The following GPC5 variants were observed in gnomAD, a reference collection of about 807,000 sequenced individuals.
The protein encoded by GPC5 is glypican-5.
A neutral mutation model predicts 53.9 loss-of-function variants in GPC5; 47 were observed. That is an observed-to-expected ratio of 0.87 (90% CI 0.69 to 1.11). GPC5 has a LOEUF of 1.11. GPC5 is among the 50% of genes most tolerant of loss of function. The pLI is 0.00. For synonymous variants in GPC5, 286 were observed against 263.3 expected (o/e 1.09, Z -0.84); for missense variants, 748 against 713.1 (o/e 1.05, Z -0.56).
At chr13:91,410,638 G>GCT (rs1877689144) in intron 1 of GPC5, among the ~76,000 whole-genome samples, 6 of 152,036 alleles carry the variant, frequency 3.9e-5, no homozygotes, top group Non-Finnish European at 8.8e-5. Flanking sequence ...GAGCCACTAC[G>GCT]CCCGGCCTTC....
chr13:91,796,216 G>A (rs560735053), intron 5 of GPC5, among the ~76,000 whole-genome samples: 1 of 152,300 alleles, frequency 6.6e-6, no homozygotes, highest in South Asian at 2.1e-4. Flanking sequence ...GGCTCCATTA[G>A]GATGAATCCA....
At chr13:91,559,900 C>T (rs962044983) in intron 2 of GPC5, among the ~76,000 whole-genome samples, 1 of 152,008 alleles carries the variant, frequency 6.6e-6, no homozygotes, top group Non-Finnish European at 1.5e-5. Context: ...AGTTTACATA[C>T]AAAAATAATG....
At chr13:91,757,224 AAT>A (rs2037314685) in intron 5 of GPC5, among the ~76,000 whole-genome samples, 1 of 152,092 alleles carries the variant, frequency 6.6e-6, no homozygotes, top group Non-Finnish European at 1.5e-5. Flanking sequence ...AATGTAGGAT[AAT>A]GAGGTTTTGT....
intron 7 of GPC5, among the ~76,000 whole-genome samples, chr13:92,585,691 C>G (rs896622966): frequency 1.4e-4 from 22 of 152,058 alleles, no homozygotes; most frequent in African/African-American, 4.6e-4. Flanking sequence ...GGCTGTGTCC[C>G]CATCCAAATT....
intron 6 of GPC5, among the ~76,000 whole-genome samples, chr13:92,112,244 C>A (rs945543582): frequency 2.6e-5 from 4 of 151,898 alleles, no homozygotes; most frequent in African/African-American, 9.7e-5. Context: ...AGACATCAGC[C>A]TATAAGGCAT....
chr13:91,957,996 T>A (rs1374407519), intron 6 of GPC5, among the ~76,000 whole-genome samples: 1 of 151,518 alleles, frequency 6.6e-6, no homozygotes, highest in African/African-American at 2.4e-5. Flanking sequence ...AAAAATCAAT[T>A]AATAAATGAC....
At chr13:92,408,011 T>C (rs1875868757) in intron 7 of GPC5, among the ~76,000 whole-genome samples, 1 of 152,186 alleles carries the variant, frequency 6.6e-6, no homozygotes, top group Admixed American at 6.5e-5. Context: ...GGCCGCCAAG[T>C]GGAACTGATC....
intron 2 of GPC5, among the ~76,000 whole-genome samples, chr13:91,556,620 C>A (rs564520255): frequency 1.3e-5 from 2 of 151,316 alleles, no homozygotes; most frequent in African/African-American, 2.4e-5. Flanking sequence ...TATATACACA[C>A]CATGGAATAC....
chr13:92,798,021 T>C lies in GPC5; in HGVS notation c.1562-68261T>C, dbSNP rs184328469. On this transcript the variant is annotated intron_variant, in intron 7 of 7. Transcript: ENST00000377067. ...CACTTTTCCCCCCAACCATGCTTAG[T>C]AACTTTCATTACTAATTCCCTATCC... Among the ~76,000 whole-genome samples, 217 of 151,984 alleles carry C rather than the reference T, an allele frequency of 1.4e-3. 3 individuals carry two copies. In the Middle Eastern group the frequency reaches 0.024, roughly 17 times the overall value.
chr13:91,873,592 C>T (rs1468837219), intron 5 of GPC5, among the ~76,000 whole-genome samples: 1 of 152,158 alleles, frequency 6.6e-6, no homozygotes, highest in Non-Finnish European at 1.5e-5. Flanking sequence ...TTCACCTTCC[C>T]CCATGAGTGT....
chr13:92,453,261 C>T (rs2094475), intron 7 of GPC5, among the ~76,000 whole-genome samples: 83,857 of 152,006 alleles, frequency 0.55, 23,662 homozygotes, highest in African/African-American at 0.66. Context: ...TCCATTGTAA[C>T]GAATGTCTAA....
At chr13:91,959,548 GC>G (rs2040107501) in intron 6 of GPC5, among the ~76,000 whole-genome samples, 1 of 151,876 alleles carries the variant, frequency 6.6e-6, no homozygotes, top group Admixed American at 6.6e-5. Flanking sequence ...ATTTTATAAG[GC>G]CAGCACTAGC....
At chr13:91,593,989 TG>T (rs1220133407) in intron 2 of GPC5, among the ~76,000 whole-genome samples, 2 of 152,198 alleles carry the variant, frequency 1.3e-5, no homozygotes, top group Non-Finnish European at 2.9e-5. Flanking sequence ...AGTTCTTATT[TG>T]GGAAAGAGTT....
intron 7 of GPC5, among the ~76,000 whole-genome samples, chr13:92,834,672 T>C (rs1258305343): frequency 6.6e-6 from 1 of 152,160 alleles, no homozygotes; most frequent in Non-Finnish European, 1.5e-5. Flanking sequence ...CATGCAATGT[T>C]GGCCTGAGAG....
intron 6 of GPC5, among the ~76,000 whole-genome samples, chr13:92,031,956 T>C (rs1201674585): frequency 8.2e-6 from 1 of 122,688 alleles, no homozygotes; most frequent in African/African-American, 3.1e-5. Flanking sequence ...TTCCATCAGA[T>C]ATATTATATA....
chr13:92,184,310 T>G (rs1279437276), intron 7 of GPC5, among the ~76,000 whole-genome samples: 1 of 152,144 alleles, frequency 6.6e-6, no homozygotes, highest in Non-Finnish European at 1.5e-5. Flanking sequence ...TCCTTCAAAA[T>G]CTATTTTAAA....
chr13:92,772,197 T>C (rs1296485298), intron 7 of GPC5, among the ~76,000 whole-genome samples: 2 of 152,158 alleles, frequency 1.3e-5, no homozygotes, highest in Non-Finnish European at 2.9e-5. Flanking sequence ...CCAACCTTGT[T>C]TTCTAGGCCC....
Position 91,836,496 on chromosome 13 carries a change from T to A in GPC5, c.1281-71441T>A, listed in dbSNP as rs192194001. Among the ~76,000 whole-genome samples, 175 of 152,178 alleles carry A rather than the reference T, an allele frequency of 1.1e-3. 1 individual carries two copies. The highest frequency in any genetic ancestry group is 2.1e-3 in the Non-Finnish European group (140 of 67,962). On this transcript the variant is annotated intron_variant, in intron 5 of 7. Coordinates refer to ENST00000377067, the MANE Select transcript of GPC5 (RefSeq NM_004466.6). ...TAGCACTTAATATTACTGTTAATATTTCAATTATGAATATATACTGAGTGA... is the reference window on the plus strand; with the variant it reads ...TAGCACTTAATATTACTGTTAATATATCAATTATGAATATATACTGAGTGA...
At chr13:92,299,910 C>A (rs994229523) in intron 7 of GPC5, among the ~76,000 whole-genome samples, 6 of 152,246 alleles carry the variant, frequency 3.9e-5, no homozygotes, top group Admixed American at 2.0e-4. Flanking sequence ...ATATTGCTGT[C>A]AGCCTGAGGC....
Sources: gnomAD v4.1 joint callset for allele counts (sites outside exome capture counted in the v4.1 genomes callset) on GRCh38, gnomAD v4.1.1 for gene constraint, MANE v1.5 for transcripts, NCBI Gene and HGNC (gene_info 2026-07-23, HGNC 2026-07-21) for gene names.